The following SLC2A13 variants were observed in gnomAD, a reference collection of about 807,000 sequenced individuals.
SLC2A13 encodes solute carrier family 2 member 13, also known as proton myo-inositol cotransporter.
Under a neutral mutation model 64.4 loss-of-function variants are expected in SLC2A13, and 32 were observed. The ratio of observed to expected loss-of-function variants is 0.50; its 90% CI spans 0.37 to 0.67. The LOEUF (loss-of-function observed/expected upper bound fraction) is 0.67, where lower values mean the gene tolerates loss of function less well. Among genes scored for constraint, SLC2A13 ranks in the 30% least tolerant of loss-of-function variants. SLC2A13 has a pLI of 0.00. For synonymous variants in SLC2A13, 338 were observed against 327.1 expected, an observed-to-expected ratio of 1.03 and a Z score of -0.36; for missense variants, 743 against 829.2, an observed-to-expected ratio of 0.90 and a Z score of 1.28.
intron 1 of SLC2A13, among the ~76,000 whole-genome samples, chr12:40,090,064 C>T (rs995070946): frequency 6.6e-6 from 1 of 152,018 alleles, no homozygotes; most frequent in South Asian, 2.1e-4. Flanking sequence ...TTTATTAACA[C>T]AAAGAAAATG....
intron 6 of SLC2A13, among the ~76,000 whole-genome samples, chr12:39,855,702 G>A (rs1012522064): frequency 1.4e-4 from 21 of 152,036 alleles, no homozygotes; most frequent in Non-Finnish European, 2.5e-4. Flanking sequence ...TATATTCTTC[G>A]ATTTCCTAAG....
At chr12:39,971,253 G>A (rs530111580) in intron 3 of SLC2A13, among the ~76,000 whole-genome samples, 2 of 152,216 alleles carry the variant, frequency 1.3e-5, no homozygotes, top group East Asian at 3.9e-4. Flanking sequence ...CAAGATCAAA[G>A]TCATTGAATC....
chr12:40,080,914 G>A (rs1938371342), intron 1 of SLC2A13, among the ~76,000 whole-genome samples: 1 of 152,154 alleles, frequency 6.6e-6, no homozygotes, highest in African/African-American at 2.4e-5. Context: ...AATTCCCTTA[G>A]TGTTTGCTTG....
intron 7 of SLC2A13, among the ~76,000 whole-genome samples, chr12:39,809,261 C>G (rs1430337592): frequency 1.3e-5 from 2 of 152,116 alleles, no homozygotes; most frequent in African/African-American, 4.8e-5. Flanking sequence ...TATTCTGTTC[C>G]CTTGATGTTT....
At chr12:40,024,400 C>T (rs895068628) in intron 3 of SLC2A13, among the ~76,000 whole-genome samples, 25 of 152,126 alleles carry the variant, frequency 1.6e-4, no homozygotes, top group African/African-American at 6.0e-4. Context: ...CAATCTGGCC[C>T]ACTTAATAAA....
chr12:39,976,935 C>A (rs779613722), intron 3 of SLC2A13, among the ~76,000 whole-genome samples: 8 of 152,118 alleles, frequency 5.3e-5, no homozygotes, highest in Non-Finnish European at 1.5e-5. Flanking sequence ...TTAGCCCTAA[C>A]CCTAGCATTG....
At chr12:39,968,011 A>G (rs1340885591) in intron 3 of SLC2A13, among the ~76,000 whole-genome samples, 2 of 152,194 alleles carry the variant, frequency 1.3e-5, no homozygotes, top group African/African-American at 4.8e-5. Context: ...AAAATCTTGA[A>G]CCACTTCAGA....
chr12:40,043,658 G>A (rs1224545361), intron 2 of SLC2A13, among the ~76,000 whole-genome samples: 3 of 152,006 alleles, frequency 2.0e-5, no homozygotes, highest in Admixed American at 6.6e-5. Flanking sequence ...AAAAGGGCAA[G>A]CAGCGATAGA....
chr12:40,075,075 A>G (rs1938118646), intron 1 of SLC2A13, among the ~76,000 whole-genome samples: 2 of 152,134 alleles, frequency 1.3e-5, no homozygotes. Flanking sequence ...AACAAAACAA[A>G]ACAGAGTACT....
At chr12:39,798,198 C>G (rs80153476) in intron 7 of SLC2A13, among the ~76,000 whole-genome samples, 1 of 152,144 alleles carries the variant, frequency 6.6e-6, no homozygotes, top group Non-Finnish European at 1.5e-5. Flanking sequence ...GCCAGGCACA[C>G]GAGGAAGCCA....
At chr12:39,827,642 C>T (rs1038330837) in intron 7 of SLC2A13, among the ~76,000 whole-genome samples, 1 of 152,066 alleles carries the variant, frequency 6.6e-6, no homozygotes, top group Non-Finnish European at 1.5e-5. Flanking sequence ...GGAGATTTTC[C>T]TGCAGCAGCT....
At chr12:39,867,504 TAC>T (rs1943940520) in intron 5 of SLC2A13, among the ~76,000 whole-genome samples, 1 of 152,100 alleles carries the variant, frequency 6.6e-6, no homozygotes, top group African/African-American at 2.4e-5. Context: ...TCCATCCAAT[TAC>T]AGTCATGAGG....
chr12:39,758,873 A>C lies in SLC2A13; in HGVS notation c.*1153T>G, dbSNP rs911175838. 6.6e-6 allele frequency: 1 copy of C among 152,044 alleles called. No homozygotes were observed. The highest frequency in any genetic ancestry group is 1.5e-5 in the Non-Finnish European group (1 of 67,870). The allele number at this position is 152,044 out of a possible 1,614,324, so 9.4% of individuals were successfully genotyped here. ...GAGTTTATGCTCTTAAAGTAAAAAA[A>C]GACAAGTACAATTAAATAATAATAT... On this transcript the variant is annotated 3_prime_UTR_variant, in exon 10 of 10. Coordinates refer to ENST00000280871, the MANE Select transcript of SLC2A13 (RefSeq NM_052885.4).
chr12:39,817,208 A>G (rs1942364014), intron 7 of SLC2A13, among the ~76,000 whole-genome samples: 1 of 152,248 alleles, frequency 6.6e-6, no homozygotes, highest in South Asian at 2.1e-4. Flanking sequence ...CAACAAATTC[A>G]TTAGAAAGTC....
rs756117564 is a variant in SLC2A13, at chr12:40,028,297, A to G, written c.925+4T>C. ...AAATTCATATAAGTATAAAGTCTATATACCTGAGCCAACCTCTTTTTCCTC... is the reference window on the plus strand; with the variant it reads ...AAATTCATATAAGTATAAAGTCTATGTACCTGAGCCAACCTCTTTTTCCTC... On this transcript the variant is annotated splice_donor_region_variant and intron_variant, in intron 3 of 9. Transcript: ENST00000280871. The G allele has an allele frequency of 3.1e-6, 5 of 1,612,308 alleles. No homozygotes were observed. Among genetic ancestry groups the G allele is most frequent in the Middle Eastern group, 1.7e-4 (1 of 6,056 alleles).
chr12:39,968,116 G>A (rs1029361104), intron 3 of SLC2A13, among the ~76,000 whole-genome samples: 4 of 152,132 alleles, frequency 2.6e-5, no homozygotes, highest in Non-Finnish European at 5.9e-5. Flanking sequence ...AATTTCTAAA[G>A]GAAAGAGGTT....
intron 4 of SLC2A13, among the ~76,000 whole-genome samples, chr12:39,893,086 C>G (rs1392966424): frequency 6.6e-6 from 1 of 152,038 alleles, no homozygotes; most frequent in Admixed American, 6.6e-5. Context: ...TTGCATATTT[C>G]CTATTGAGAA....
intron 3 of SLC2A13, among the ~76,000 whole-genome samples, chr12:39,964,072 G>C (rs1946462659): frequency 1.3e-5 from 2 of 152,098 alleles, no homozygotes; most frequent in Non-Finnish European, 2.9e-5. Flanking sequence ...AAAAGAAAGA[G>C]ACGATGTTTT....
chr12:39,815,397 TC>T (rs1202131022), intron 7 of SLC2A13, among the ~76,000 whole-genome samples: 1 of 152,188 alleles, frequency 6.6e-6, no homozygotes, highest in East Asian at 1.9e-4. Flanking sequence ...TGATATAAAA[TC>T]ATTTGGAAGA....
Sources: gnomAD v4.1 joint callset for allele counts (sites outside exome capture counted in the v4.1 genomes callset) on GRCh38, gnomAD v4.1.1 for gene constraint, MANE v1.5 for transcripts, NCBI Gene and HGNC (gene_info 2026-07-23, HGNC 2026-07-21) for gene names.